Variants in DIAPH3 observed in about 807,000 individuals in gnomAD.
The protein encoded by DIAPH3 is diaphanous related formin 3, also known as protein diaphanous homolog 3.
In DIAPH3, 117 loss-of-function variants were observed where a neutral mutation model predicts 144.3. The ratio of observed to expected loss-of-function variants is 0.81; its 90% CI spans 0.70 to 0.95. DIAPH3 has a LOEUF of 0.95. Among genes scored for constraint, DIAPH3 ranks in the 40% least tolerant of loss-of-function variants. The pLI is 0.00. For missense variants in DIAPH3, 1,421 were observed against 1,412.7 expected (o/e 1.01, Z -0.09); for synonymous variants, 519 against 488.9 (o/e 1.06, Z -0.81).
At chr13:59,967,276 T>C (rs1240638127) in intron 17 of DIAPH3, among the ~76,000 whole-genome samples, 6 of 151,836 alleles carry the variant, frequency 4.0e-5, no homozygotes, top group Admixed American at 3.9e-4. Flanking sequence ...GGTCTCATCA[T>C]GTTGGCCAGG....
chr13:59,692,639 CAGTGAAAT>C (rs1430270481), intron 27 of DIAPH3, among the ~76,000 whole-genome samples: 1 of 152,070 alleles, frequency 6.6e-6, no homozygotes, highest in East Asian at 1.9e-4. Flanking sequence ...TCAAATGACA[CAGTGAAAT>C]AGTCAGGGTA....
chr13:59,930,380 A>G (rs2045775824), intron 17 of DIAPH3, among the ~76,000 whole-genome samples: 1 of 152,200 alleles, frequency 6.6e-6, no homozygotes, highest in African/African-American at 2.4e-5. Flanking sequence ...ACTACACAAG[A>G]ATAAAGAAGA....
chr13:59,672,197 G>C (rs2032411110), intron 27 of DIAPH3, among the ~76,000 whole-genome samples: 1 of 152,204 alleles, frequency 6.6e-6, no homozygotes, highest in Non-Finnish European at 1.5e-5. Flanking sequence ...CTCTGCTGCA[G>C]GAAGTATCAG....
At chr13:60,097,820 A>C (rs1594658267) in intron 3 of DIAPH3, among the ~76,000 whole-genome samples, 1 of 152,176 alleles carries the variant, frequency 6.6e-6, no homozygotes, top group East Asian at 1.9e-4. Flanking sequence ...AGGGGGCAGT[A>C]GAGAGAAAAT....
chr13:60,082,210 A>G (rs896897566), intron 4 of DIAPH3, among the ~76,000 whole-genome samples: 3 of 152,012 alleles, frequency 2.0e-5, no homozygotes, highest in Non-Finnish European at 1.5e-5. Context: ...AAGAATAAAC[A>G]TAATGTCATA....
At chr13:59,875,321 T>G (rs1018911414) in intron 21 of DIAPH3, among the ~76,000 whole-genome samples, 1 of 152,230 alleles carries the variant, frequency 6.6e-6, no homozygotes, top group Admixed American at 6.5e-5. Context: ...CCATTATTTC[T>G]GCAAGGTTTA....
chr13:59,670,744 G>A (rs987982913), intron 27 of DIAPH3, among the ~76,000 whole-genome samples: 10 of 152,006 alleles, frequency 6.6e-5, no homozygotes, highest in Non-Finnish European at 8.8e-5. Flanking sequence ...CACCACGCCC[G>A]GCTAATTTTT....
intron 27 of DIAPH3, among the ~76,000 whole-genome samples, chr13:59,725,264 T>C (rs1356019927): frequency 2.0e-5 from 3 of 152,204 alleles, no homozygotes; most frequent in Non-Finnish European, 1.5e-5. Flanking sequence ...TCTGTAGATA[T>C]TCAGCATAGC....
At chr13:59,915,534 G>C (rs1344833277) in intron 19 of DIAPH3, among the ~76,000 whole-genome samples, 8 of 151,932 alleles carry the variant, frequency 5.3e-5, no homozygotes, top group African/African-American at 1.7e-4. Flanking sequence ...TTTGTGTTTT[G>C]ATTCTCCAAC....
intron 20 of DIAPH3, among the ~76,000 whole-genome samples, chr13:59,910,738 A>T (rs909419720): frequency 9.3e-5 from 12 of 128,790 alleles, no homozygotes; most frequent in South Asian, 2.8e-4. Context: ...TCAAGTATTT[A>T]AAAAAAAAAA....
chr13:59,770,069 A>G (rs577844219), intron 27 of DIAPH3, among the ~76,000 whole-genome samples: 1 of 152,092 alleles, frequency 6.6e-6, no homozygotes, highest in South Asian at 2.1e-4. Flanking sequence ...ACCAAATCGA[A>G]ATTGAATCTC....
intron 27 of DIAPH3, among the ~76,000 whole-genome samples, chr13:59,707,548 G>T (rs1186192085): frequency 1.3e-5 from 2 of 152,142 alleles, no homozygotes; most frequent in Admixed American, 1.3e-4. Context: ...GTACTTCTGG[G>T]AGTTTAAATT....
chr13:59,930,307 G>A (rs527628743), intron 17 of DIAPH3, among the ~76,000 whole-genome samples: 12 of 152,292 alleles, frequency 7.9e-5, no homozygotes, highest in African/African-American at 2.9e-4. Context: ...AGGTCTAATA[G>A]AAGTGACTAT....
rs1245069375 is a variant in DIAPH3, at chr13:59,774,820, C to A, written c.3167G>T (p.Gly1056Val). 6 of 1,613,792 alleles carry A rather than the reference C, an allele frequency of 3.7e-6. No individual in the cohort carries two copies. Among genetic ancestry groups the A allele is most frequent in the South Asian group, 2.2e-5 (2 of 91,076 alleles). ...KKRLLEMKTE[G>V]DETGVMDNLL... is the part of the protein sequence containing the mutation. The stretch of plus-strand genomic sequence containing the variant: ...ATTATCCATCACTCCTGTCTCATCA[C>A]CCTCTGTGAAAAGAGATGCAGGGAA... Residue 1056 changes from glycine to valine, a missense_variant, in exon 26 of 28, where the codon GGT (glycine) becomes GTT (valine). Transcript: ENST00000400324.
chr13:59,756,394 T>G lies in DIAPH3; in HGVS notation c.3319+17795A>C, dbSNP rs141304945. 5.4e-3 allele frequency among the ~76,000 whole-genome samples: 761 copies of G among 140,150 alleles called. 3 individuals carry two copies. The highest frequency in any genetic ancestry group is 0.034 in the South Asian group (149 of 4,424). The allele number at this position is 140,150 out of a possible 152,430, so 91.9% of individuals were successfully genotyped here. On this transcript the variant is annotated intron_variant, in intron 27 of 27. Coordinates refer to ENST00000400324, the MANE Select transcript of DIAPH3 (RefSeq NM_001042517.2). ...ATACCTTTTCTTAAATAGATACATGTGGTAAATTTAGTAAAAAGGAAGGAA... is the reference window on the plus strand; with the variant it reads ...ATACCTTTTCTTAAATAGATACATGGGGTAAATTTAGTAAAAAGGAAGGAA...
At chr13:59,963,859 C>G (rs757119671) in intron 17 of DIAPH3, among the ~76,000 whole-genome samples, 2 of 152,066 alleles carry the variant, frequency 1.3e-5, no homozygotes, top group Non-Finnish European at 2.9e-5. Context: ...TGCCCAGCCT[C>G]AAAATATTAT....
At chr13:59,845,855 C>T (rs1234457347) in intron 22 of DIAPH3, among the ~76,000 whole-genome samples, 1 of 152,138 alleles carries the variant, frequency 6.6e-6, no homozygotes, top group Non-Finnish European at 1.5e-5. Flanking sequence ...GCTGGGAATT[C>T]CTTAAGATAA....
rs530486481 is a variant in DIAPH3 at position 59,688,163 on chromosome 13, G to A, written c.3320-21317C>T. 3.3e-5 allele frequency among the ~76,000 whole-genome samples: 5 copies of A among 152,116 alleles called. No individual in the cohort carries two copies. In the East Asian group the frequency reaches 5.8e-4, roughly 18 times the overall value. ...ATGGCTATTTTTGAAGGAAGCCATA[G>A]AAATTGTGGTCATAAGGGATGGCTC... On this transcript the variant is annotated intron_variant, in intron 27 of 27. Transcript: ENST00000400324.
chr13:60,138,633 ATCAT>A (rs1162874711), intron 1 of DIAPH3, among the ~76,000 whole-genome samples: 2 of 152,366 alleles, frequency 1.3e-5, no homozygotes, highest in East Asian at 1.9e-4. Context: ...TAAGGTACAA[ATCAT>A]TCAGTCTCAT....
Sources: allele counts gnomAD v4.1 joint callset (sites outside exome capture counted in the v4.1 genomes callset), GRCh38; gene constraint gnomAD v4.1.1; transcripts MANE v1.5; gene names NCBI Gene and HGNC (gene_info 2026-07-23, HGNC 2026-07-21).